The following GPM6B variants were observed in gnomAD, a reference collection of about 807,000 sequenced individuals.
The protein encoded by GPM6B is neuronal membrane glycoprotein M6-b.
A neutral mutation model predicts 27.2 loss-of-function variants in GPM6B; 4 were observed. The observed-to-expected ratio is 0.15, with a 90% CI of 0.07 to 0.34. GPM6B has a LOEUF of 0.34. Ranked by LOEUF, GPM6B falls within the 10% of genes least tolerant of loss-of-function variation. The pLI, the probability that GPM6B is intolerant of heterozygous loss-of-function variation, is 1.00. For missense variants in GPM6B, 183 were observed against 261.9 expected (o/e 0.70, Z 2.08); for synonymous variants, 124 against 103.1 (o/e 1.20, Z -1.23).
intron 1 of GPM6B, among the ~76,000 whole-genome samples, chrX:13,808,535 T>G (rs1331419804): frequency 8.9e-6 from 1 of 111,889 alleles, no homozygotes; most frequent in Non-Finnish European, 1.9e-5. Context: ...CAGAGTAGGC[T>G]TCTCATAAAA....
At chrX:13,870,719 G>C (rs2049966258) in intron 1 of GPM6B, among the ~76,000 whole-genome samples, 3 of 112,125 alleles carry the variant, frequency 2.7e-5, no homozygotes, top group Middle Eastern at 4.2e-3. Context: ...CAATGAACAT[G>C]TGTGTGAAGA....
intron 1 of GPM6B, among the ~76,000 whole-genome samples, chrX:13,836,904 G>A (rs1389042762): frequency 1.8e-5 from 2 of 111,179 alleles, no homozygotes; most frequent in African/African-American, 6.6e-5. Flanking sequence ...GAGTGCTCAC[G>A]AGGAACAAAA....
intron 1 of GPM6B, among the ~76,000 whole-genome samples, chrX:13,832,517 G>C (rs187531085): frequency 2.7e-5 from 3 of 111,335 alleles, no homozygotes; most frequent in East Asian, 5.6e-4. Flanking sequence ...TGCCTTGTTG[G>C]GTCAGCTGCT....
intron 1 of GPM6B, 112 bp from the exon 2 acceptor site, chrX:13,807,881 T>C: frequency 1.4e-6 from 1 of 724,843 alleles, no homozygotes; most frequent in Non-Finnish European, 2.0e-6. Context: ...TTAAAAAATA[T>C]GCTATTGAAA....
intron 1 of GPM6B, among the ~76,000 whole-genome samples, chrX:13,916,940 A>G (rs2050435987): frequency 9.0e-6 from 1 of 111,526 alleles, no homozygotes; most frequent in African/African-American, 3.3e-5. Flanking sequence ...GGCCAGGTCC[A>G]GTGGCTCATG....
chrX:13,852,763 A>G (rs992919071), intron 1 of GPM6B, among the ~76,000 whole-genome samples: 1 of 86,158 alleles, frequency 1.2e-5, no homozygotes, highest in Non-Finnish European at 2.2e-5. Flanking sequence ...GGGGAAGAGT[A>G]CAACAAAAAC....
intron 1 of GPM6B, among the ~76,000 whole-genome samples, chrX:13,862,761 A>T (rs948444034): frequency 1.2e-4 from 13 of 111,331 alleles, no homozygotes; most frequent in African/African-American, 3.9e-4. Flanking sequence ...ATCACGGCTC[A>T]CTACAGCCTT....
chrX:13,826,438 G>A (rs2049373424), intron 1 of GPM6B, among the ~76,000 whole-genome samples: 1 of 111,611 alleles, frequency 9.0e-6, no homozygotes. Flanking sequence ...GTACAGTGTG[G>A]CTCATGCCTG....
chrX:13,783,262 A>T, intron 4 of GPM6B, 103 bp downstream of exon 4: 2 of 693,859 alleles, frequency 2.9e-6, no homozygotes, highest in Non-Finnish European at 4.3e-6. Context: ...TGGACCCTCC[A>T]TTCACGCTCG....
chrX:13,801,053 AGAAAG>A (rs1314360724), intron 2 of GPM6B, among the ~76,000 whole-genome samples: 1 of 110,328 alleles, frequency 9.1e-6, no homozygotes, highest in African/African-American at 3.3e-5. Context: ...AAAAAAAAAA[AGAAAG>A]AAATGATCCC....
rs141225869 is a variant in GPM6B at position 13,864,531 on chromosome X, C to T, written c.-198+73796G>A. Among the ~76,000 whole-genome samples, 1,008 of 112,794 alleles carry T rather than the reference C, an allele frequency of 8.9e-3. 12 individuals are homozygous for T. The highest frequency in any genetic ancestry group is 0.031 in the African/African-American group (951 of 31,109). On this transcript the variant is annotated intron_variant, in intron 1 of 6. Coordinates refer to the GPM6B transcript ENST00000398361. ...AGCTCTGACTTCAGCATATTGCAAA[C>T]GTTCCAAAAATGCAGATTAGATTCC...
chrX:13,803,917 T>C (rs1388590433), intron 2 of GPM6B, among the ~76,000 whole-genome samples: 1 of 111,983 alleles, frequency 8.9e-6, no homozygotes, highest in Non-Finnish European at 1.9e-5. Flanking sequence ...TCTTCCTAAA[T>C]AGAAACGGAA....
At chrX:13,861,753 G>T (rs2049855702) in intron 1 of GPM6B, among the ~76,000 whole-genome samples, 2 of 111,964 alleles carry the variant, frequency 1.8e-5, no homozygotes, top group Admixed American at 1.9e-4. Context: ...TCAATTAACA[G>T]AAGTAATATA....
chrX:13,784,278 G>A (rs1389058213), intron 3 of GPM6B, among the ~76,000 whole-genome samples: 1 of 112,354 alleles, frequency 8.9e-6, no homozygotes, highest in African/African-American at 3.2e-5. Flanking sequence ...AAGCTTCTCA[G>A]AAGTTTGAGA....
At chrX:13,808,277 T>C (rs1416651114) in intron 1 of GPM6B, among the ~76,000 whole-genome samples, 3 of 112,323 alleles carry the variant, frequency 2.7e-5, no homozygotes, top group South Asian at 7.4e-4. Flanking sequence ...GTCTGCAGTA[T>C]TGTCTGTCAC....
intron 1 of GPM6B, among the ~76,000 whole-genome samples, chrX:13,869,834 C>T (rs1356690573): frequency 8.9e-6 from 1 of 112,004 alleles, no homozygotes; most frequent in Admixed American, 9.5e-5. Context: ...TTAGCCTTGG[C>T]ACAATGCTGT....
intron 4 of GPM6B, among the ~76,000 whole-genome samples, chrX:13,782,773 A>AG (rs2048541474): frequency 1.6e-5 from 1 of 60,697 alleles, no homozygotes; most frequent in East Asian, 6.5e-4. Flanking sequence ...AAAAAAAAAA[A>AG]GAAAAAAAAA....
At chrX:13,792,054 C>T (rs2048723477) in intron 2 of GPM6B, among the ~76,000 whole-genome samples, 1 of 111,979 alleles carries the variant, frequency 8.9e-6, no homozygotes, top group Middle Eastern at 4.2e-3. Flanking sequence ...TTTCAAGCAA[C>T]AAGCAATGGG....
chrX:13,812,587 G>A (rs893064972), intron 1 of GPM6B, among the ~76,000 whole-genome samples: 1 of 111,577 alleles, frequency 9.0e-6, no homozygotes, highest in African/African-American at 3.3e-5. Flanking sequence ...GAGAGGGGAA[G>A]TTTAAGTCAT....
Sources: gnomAD v4.1 joint callset for allele counts (sites outside exome capture counted in the v4.1 genomes callset) on GRCh38, gnomAD v4.1.1 for gene constraint, MANE v1.5 for transcripts, NCBI Gene and HGNC (gene_info 2026-07-23, HGNC 2026-07-21) for gene names.